Variants in SLIT2 observed in about 807,000 individuals in gnomAD.
SLIT2 encodes slit guidance ligand 2.
SLIT2 carries 41 observed loss-of-function variants against 185.7 expected under a neutral mutation model. The ratio of observed to expected loss-of-function variants is 0.22; its 90% CI spans 0.17 to 0.29. The LOEUF is 0.29. SLIT2 is among the 10% of genes least tolerant of loss of function. SLIT2 has a pLI of 1.00. For synonymous variants in SLIT2, 693 were observed against 680.2 expected, an observed-to-expected ratio of 1.02 and a Z score of -0.29; for missense variants, 1,571 against 1,909.0, an observed-to-expected ratio of 0.82 and a Z score of 3.30.
At chr4:20,280,331 T>G (rs1577360962) in intron 4 of SLIT2, among the ~76,000 whole-genome samples, 1 of 76,240 alleles carries the variant, frequency 1.3e-5, no homozygotes, top group East Asian at 3.2e-4. Context: ...AGACTCTGTC[T>G]CAAAAAAAAA....
At position 20,553,792 on chromosome 4, in the gene SLIT2, G is replaced by A. The variant is rs370337584; in HGVS notation, c.2562-13G>A. The A allele has an allele frequency of 1.9e-6, 3 of 1,554,942 alleles. No individual in the cohort carries two copies. Among genetic ancestry groups the A allele is most frequent in the Non-Finnish European group, 2.6e-6 (3 of 1,155,150 alleles). Reference sequence around the variant, plus strand: ...GTGTATGTGTGTGTGCTTCTGTGGTGTTGTTTTTCCAGAGCAATTGGAGCC... The same window carrying A: ...GTGTATGTGTGTGTGCTTCTGTGGTATTGTTTTTCCAGAGCAATTGGAGCC... On this transcript the variant is annotated splice_polypyrimidine_tract_variant and intron_variant, in intron 25 of 36. Coordinates refer to ENST00000504154, the MANE Select transcript of SLIT2 (RefSeq NM_004787.4).
chr4:20,305,343 A>T (rs1212226622), intron 4 of SLIT2, among the ~76,000 whole-genome samples: 1 of 152,202 alleles, frequency 6.6e-6, no homozygotes, highest in Non-Finnish European at 1.5e-5. Flanking sequence ...ACGTGGGAAA[A>T]ATTAAGGTCT....
chr4:20,259,051 T>C (rs1310555469), intron 3 of SLIT2, among the ~76,000 whole-genome samples: 1 of 151,674 alleles, frequency 6.6e-6, no homozygotes, highest in Non-Finnish European at 1.5e-5. Context: ...AAATGTCTAC[T>C]TTATTTTACT....
At chr4:20,459,065 A>G (rs1175910938) in intron 4 of SLIT2, among the ~76,000 whole-genome samples, 1 of 152,124 alleles carries the variant, frequency 6.6e-6, no homozygotes, top group Non-Finnish European at 1.5e-5. Flanking sequence ...TATGAAAGAG[A>G]TTATTATTAC....
intron 4 of SLIT2, among the ~76,000 whole-genome samples, chr4:20,271,326 A>G (rs987333916): frequency 2.0e-5 from 3 of 149,548 alleles, no homozygotes; most frequent in Admixed American, 6.7e-5. Flanking sequence ...ATCGTTTTAT[A>G]AATATGTGTA....
intron 4 of SLIT2, among the ~76,000 whole-genome samples, chr4:20,358,221 A>G (rs1334699478): frequency 6.6e-6 from 1 of 152,072 alleles, no homozygotes; most frequent in East Asian, 1.9e-4. Context: ...TTGCTGATAG[A>G]CCTTTTTCAG....
chr4:20,609,976 A>C (rs1212898876), intron 33 of SLIT2, 37 bp from the exon 34 acceptor site: 2 of 1,564,868 alleles, frequency 1.3e-6, no homozygotes. Flanking sequence ...TAATGAAAAG[A>C]AAATGGAAGA....
intron 5 of SLIT2, among the ~76,000 whole-genome samples, chr4:20,473,169 C>A (rs1715746862): frequency 7.1e-6 from 1 of 141,340 alleles, no homozygotes; most frequent in South Asian, 2.2e-4. Flanking sequence ...CTATTCCAAT[C>A]AAACTTTACT....
intron 4 of SLIT2, among the ~76,000 whole-genome samples, chr4:20,368,235 GA>G (rs942235918): frequency 2.9e-4 from 31 of 105,496 alleles, no homozygotes; most frequent in Non-Finnish European, 4.5e-4. Flanking sequence ...AAAAAAAAAA[GA>G]AAAAAAAGAA....
At chr4:20,569,296 G>A (rs1053668053) in intron 29 of SLIT2, 2 of 355,566 alleles carry the variant, frequency 5.6e-6, no homozygotes, top group Non-Finnish European at 1.1e-5. Flanking sequence ...TGGCATTTTT[G>A]TGCAAACCAT....
intron 4 of SLIT2, among the ~76,000 whole-genome samples, chr4:20,403,701 C>G (rs891931429): frequency 6.6e-6 from 1 of 151,924 alleles, no homozygotes; most frequent in African/African-American, 2.4e-5. Flanking sequence ...CAAGAGTCGA[C>G]TGTGTTTTTG....
intron 4 of SLIT2, among the ~76,000 whole-genome samples, chr4:20,291,476 ATATATATATATATATATTTTTTTTTTTT>A (rs1490841974): frequency 2.1e-3 from 32 of 15,400 alleles, no homozygotes; most frequent in African/African-American, 7.8e-3. Context: ...ATATATATAT[ATATATATATATATATATTTTTTTTTTTT>A]TTTTTTTTTT....
At chr4:20,492,461 C>A (rs1321579940) in intron 9 of SLIT2, among the ~76,000 whole-genome samples, 2 of 152,192 alleles carry the variant, frequency 1.3e-5, no homozygotes, top group Non-Finnish European at 2.9e-5. Context: ...ATTCTTATGA[C>A]AAACTATTGC....
Position 20,358,113 on chromosome 4 carries a change from G to C in SLIT2, c.395+89232G>C, listed in dbSNP as rs1357911145. Among the ~76,000 whole-genome samples the C allele has an allele frequency of 3.9e-5, 6 of 152,112 alleles. No homozygotes were observed. The East Asian group carries it at 9.7e-4, about 25-fold the overall frequency. ...TTTAACATTAAGAACTTACATAATTGGTCCAGAAAATCAGACCTATCCCTT... is the reference window on the plus strand; with the variant it reads ...TTTAACATTAAGAACTTACATAATTCGTCCAGAAAATCAGACCTATCCCTT... On this transcript the variant is annotated intron_variant, in intron 4 of 36. Coordinates refer to ENST00000504154, the MANE Select transcript of SLIT2 (RefSeq NM_004787.4).
chr4:20,518,757 A>G (rs1720542707), intron 11 of SLIT2, among the ~76,000 whole-genome samples: 2 of 141,382 alleles, frequency 1.4e-5, no homozygotes. Flanking sequence ...GGCGCCCGCC[A>G]CCACGCCCGG....
chr4:20,547,474 T>C (rs1186494347), intron 22 of SLIT2, among the ~76,000 whole-genome samples: 2 of 152,016 alleles, frequency 1.3e-5, no homozygotes, highest in Admixed American at 6.6e-5. Flanking sequence ...TTAGGAATAG[T>C]TCTTCAGCAG....
At chr4:20,594,161 G>A (rs1409661196) in intron 30 of SLIT2, among the ~76,000 whole-genome samples, 1 of 148,176 alleles carries the variant, frequency 6.7e-6, no homozygotes, top group African/African-American at 2.5e-5. Flanking sequence ...ACATATGTAT[G>A]TGTGTATATA....
rs989500187 is a variant in SLIT2 at position 20,271,375 on chromosome 4, AAT to A, written c.395+2499_395+2500del. On this transcript the variant is annotated intron_variant, in intron 4 of 36. Transcript: ENST00000504154. ...GTATTCTATAAATATATATTTATAG[AAT>A]ATATGTTTTGACATTTATATAATAT... Among the ~76,000 whole-genome samples, 8 of 147,378 alleles carry A rather than the reference AAT, an allele frequency of 5.4e-5. No individual in the cohort carries two copies. In the East Asian group the frequency reaches 5.9e-4, roughly 11 times the overall value.
intron 4 of SLIT2, among the ~76,000 whole-genome samples, chr4:20,430,332 A>G (rs900196423): frequency 2.6e-5 from 4 of 152,158 alleles, no homozygotes; most frequent in Admixed American, 6.5e-5. Flanking sequence ...GACTTTCTTG[A>G]GGGATATTCT....
Sources: gnomAD v4.1 joint callset for allele counts (sites outside exome capture counted in the v4.1 genomes callset) on GRCh38, gnomAD v4.1.1 for gene constraint, MANE v1.5 for transcripts, NCBI Gene and HGNC (gene_info 2026-07-23, HGNC 2026-07-21) for gene names.